PBX1: variants seen among roughly 807,000 people sequenced by gnomAD.
PBX1 encodes the protein PBX homeobox 1.
In PBX1, 6 loss-of-function variants were observed where a neutral mutation model predicts 53.4. The ratio of observed to expected loss-of-function variants is 0.11; its 90% CI spans 0.06 to 0.22. The LOEUF is 0.22. PBX1 is among the 10% of genes least tolerant of loss of function. The probability of loss-of-function intolerance (pLI) is 1.00; values close to 1 mark genes in which losing one functional copy is unlikely to be tolerated. For synonymous variants in PBX1, 204 were observed against 212.3 expected (o/e 0.96, Z 0.34); for missense variants, 251 against 551.4 (o/e 0.46, Z 5.46).
At chr1:164,806,435 G>T (rs1256381556) in intron 4 of PBX1, among the ~76,000 whole-genome samples, 1 of 152,112 alleles carries the variant, frequency 6.6e-6, no homozygotes, top group Non-Finnish European at 1.5e-5. Context: ...AAGCTGTTGG[G>T]GGTTAATTTC....
chr1:164,627,165 A>C (rs1467241697), intron 2 of PBX1, among the ~76,000 whole-genome samples: 2 of 152,110 alleles, frequency 1.3e-5, no homozygotes, highest in Non-Finnish European at 2.9e-5. Flanking sequence ...TACTTGGAGC[A>C]TTTGTCCTTC....
At chr1:164,568,012 T>C (rs1003211382) in intron 2 of PBX1, among the ~76,000 whole-genome samples, 18 of 152,188 alleles carry the variant, frequency 1.2e-4, no homozygotes, top group Non-Finnish European at 2.5e-4. Context: ...TACCTGCCTG[T>C]GTGTTTAGTT....
chr1:164,778,062 A>C (rs1409962990), intron 2 of PBX1, among the ~76,000 whole-genome samples: 1 of 152,158 alleles, frequency 6.6e-6, no homozygotes, highest in Non-Finnish European at 1.5e-5. Flanking sequence ...GTTACATATG[A>C]AGGTAGGGAG....
At chr1:164,567,749 G>A (rs1653537852) in intron 2 of PBX1, among the ~76,000 whole-genome samples, 1 of 152,188 alleles carries the variant, frequency 6.6e-6, no homozygotes, top group African/African-American at 2.4e-5. Context: ...CTTTTGAGAA[G>A]TGCAAAGAGC....
At position 164,669,456 on chromosome 1, in the gene PBX1, C is replaced by G. The variant is rs141758987; in HGVS notation, c.265+106145C>G. ...GGACATGGGGTGGGGGCACATTCTTCTAGCAGATGTGGGTGTTGCAGGTGA... is the reference window on the plus strand; with the variant it reads ...GGACATGGGGTGGGGGCACATTCTTGTAGCAGATGTGGGTGTTGCAGGTGA... On this transcript the variant is annotated intron_variant, in intron 2 of 8. Coordinates refer to ENST00000420696, the MANE Select transcript of PBX1 (RefSeq NM_002585.4). Among the ~76,000 whole-genome samples, 33 of 152,306 alleles carry G rather than the reference C, an allele frequency of 2.2e-4. No individual in the cohort carries two copies. In the South Asian group the frequency reaches 3.1e-3, roughly 14 times the overall value.
In PBX1 at chr1:164,847,484, C is replaced by T. The variant is rs1671632429; in HGVS notation, c.*808C>T. 1 of 1,062,704 alleles carries T rather than the reference C, an allele frequency of 9.4e-7. No homozygotes were observed. The highest frequency in any genetic ancestry group is 1.1e-6 in the Non-Finnish European group (1 of 877,646). The allele number at this position is 1,062,704 out of a possible 1,614,324, so 65.8% of individuals were successfully genotyped here. A position where few individuals can be genotyped will look rare whatever the true frequency, so the allele number is the denominator to read the frequency against. On this transcript the variant is annotated 3_prime_UTR_variant, in exon 9 of 9. Coordinates refer to ENST00000420696, the MANE Select transcript of PBX1 (RefSeq NM_002585.4). ...GTTTCAGAGGCACAGTCTTTGGAGACCATTCAGCACTGAGAAAGCAATATT... is the reference window on the plus strand; with the variant it reads ...GTTTCAGAGGCACAGTCTTTGGAGATCATTCAGCACTGAGAAAGCAATATT...
intron 2 of PBX1, among the ~76,000 whole-genome samples, chr1:164,695,694 G>C (rs1019744450): frequency 6.6e-6 from 1 of 152,108 alleles, no homozygotes; most frequent in African/African-American, 2.4e-5. Context: ...CCAATTTTTA[G>C]TACATGGCTG....
chr1:164,869,616 G>T (rs952951493), intron 2 of PBX1, among the ~76,000 whole-genome samples: 7 of 152,140 alleles, frequency 4.6e-5, no homozygotes, highest in Non-Finnish European at 4.4e-5. Context: ...AGACCAAATA[G>T]TCCCTGCCCT....
intron 2 of PBX1, among the ~76,000 whole-genome samples, chr1:164,707,418 T>TGAGAGAGAGAGAGAGAGAGAGA (rs528876002): frequency 2.5e-5 from 3 of 118,208 alleles, no homozygotes; most frequent in African/African-American, 1.2e-4. Context: ...TGTGTGTGTG[T>TGAGAGAGAGAGAGAGAGAGAGA]GAGAGAGAGA....
chr1:164,690,579 C>T (rs903833058), intron 2 of PBX1, among the ~76,000 whole-genome samples: 57 of 148,776 alleles, frequency 3.8e-4, no homozygotes, highest in African/African-American at 1.2e-3. Flanking sequence ...CCAGCCTGGG[C>T]AACATAGCAA....
chr1:164,749,273 C>T (rs1166701093), intron 2 of PBX1, among the ~76,000 whole-genome samples: 1 of 152,068 alleles, frequency 6.6e-6, no homozygotes, highest in African/African-American at 2.4e-5. Context: ...ATATATCTTG[C>T]TTATTCATCT....
In PBX1 at chr1:164,569,564, ATTTTTTTTTTTTT is replaced by A. The variant is rs71097535; in HGVS notation, c.265+6267_265+6279del. On this transcript the variant is annotated intron_variant, in intron 2 of 8. Coordinates refer to ENST00000420696, the MANE Select transcript of PBX1 (RefSeq NM_002585.4). ...AGATTTGCTTTCTTTTTTTCCTTGC[ATTTTTTTTTTTTT>A]TTTTTTTTTTTTTGTCAAGAGTCTC... 7.0e-3 allele frequency among the ~76,000 whole-genome samples: 548 copies of A among 78,216 alleles called. 3 individuals carry two copies. Among genetic ancestry groups the A allele is most frequent in the Middle Eastern group, 0.036 (3 of 84 alleles). The allele number at this position is 78,216 out of a possible 152,430, so 51.3% of individuals were successfully genotyped here.
intron 2 of PBX1, among the ~76,000 whole-genome samples, chr1:164,882,862 A>C (rs1203074662): frequency 6.6e-6 from 1 of 152,178 alleles, no homozygotes; most frequent in African/African-American, 2.4e-5. Flanking sequence ...ATGCTATGCT[A>C]TGCTATATAC....
intron 2 of PBX1, among the ~76,000 whole-genome samples, chr1:164,660,352 T>C (rs192090109): frequency 1.4e-3 from 207 of 152,156 alleles, no homozygotes; most frequent in African/African-American, 4.8e-3. Flanking sequence ...TTACACTGGG[T>C]TTGAAAAGCA....
intron 2 of PBX1, among the ~76,000 whole-genome samples, chr1:164,742,967 A>C (rs1312616961): frequency 3.9e-5 from 6 of 152,204 alleles, no homozygotes; most frequent in African/African-American, 1.4e-4. Flanking sequence ...ATGGCTTTGC[A>C]TACAGCTTTG....
In PBX1 at chr1:164,639,831, T is replaced by A. The variant is rs114018470; in HGVS notation, c.265+76520T>A. ...GCATGCACCACCATGCCCAGCAAAT[T>A]TTTTCTATTTTTTGTAGAGATGAGG... On this transcript the variant is annotated intron_variant, in intron 2 of 8. Coordinates refer to ENST00000420696, the MANE Select transcript of PBX1 (RefSeq NM_002585.4). Among the ~76,000 whole-genome samples, 646 of 152,156 alleles carry A rather than the reference T, an allele frequency of 4.2e-3. 1 individual carries two copies. Among genetic ancestry groups the A allele is most frequent in the African/African-American group, 0.015 (629 of 41,510 alleles).
intron 2 of PBX1, among the ~76,000 whole-genome samples, chr1:164,866,508 A>G (rs1162301925): frequency 3.3e-5 from 5 of 152,236 alleles, no homozygotes; most frequent in Non-Finnish European, 7.3e-5. Context: ...TCCTTGAATG[A>G]CATTCTCTAT....
Position 164,781,783 on chromosome 1 carries a change from C to G in PBX1, c.266-10711C>G, listed in dbSNP as rs369228131. On this transcript the variant is annotated intron_variant, in intron 2 of 8. Coordinates refer to ENST00000420696, the MANE Select transcript of PBX1 (RefSeq NM_002585.4). ...GAGGCCCCTCTAATGACCAAGGTCTCTTTGATCTGTTCTAAAACCTCCTCT... is the reference window on the plus strand; with the variant it reads ...GAGGCCCCTCTAATGACCAAGGTCTGTTTGATCTGTTCTAAAACCTCCTCT... Among the ~76,000 whole-genome samples the G allele has an allele frequency of 1.3e-3, 191 of 152,284 alleles. 2 individuals are homozygous for G. The South Asian group carries it at 0.029, about 23-fold the overall frequency.
intron 2 of PBX1, among the ~76,000 whole-genome samples, chr1:164,787,107 T>C (rs575346354): frequency 1.3e-5 from 2 of 152,280 alleles, no homozygotes; most frequent in South Asian, 4.1e-4. Context: ...CTAACTCTTC[T>C]GGTAGGATGT....
Sources: gnomAD v4.1 joint callset for allele counts (sites outside exome capture counted in the v4.1 genomes callset) on GRCh38, gnomAD v4.1.1 for gene constraint, MANE v1.5 for transcripts, NCBI Gene and HGNC (gene_info 2026-07-23, HGNC 2026-07-21) for gene names.